ITPR1: variants seen among roughly 807,000 people sequenced by gnomAD.
ITPR1 encodes inositol 1,4,5-trisphosphate receptor type 1.
ITPR1 carries 96 observed loss-of-function variants against 318.4 expected under a neutral mutation model. That is an observed-to-expected ratio of 0.30 (90% confidence interval 0.26 to 0.36). The LOEUF (loss-of-function observed/expected upper bound fraction) is 0.36. ITPR1 is among the 10% of genes least tolerant of loss of function. The probability of loss-of-function intolerance (pLI) is 1.00; values close to 1 mark genes in which losing one functional copy is unlikely to be tolerated. For synonymous variants in ITPR1, 1,312 were observed against 1,289.9 expected, an observed-to-expected ratio of 1.02 and a Z score of -0.37; for missense variants, 2,440 against 3,460.2, an observed-to-expected ratio of 0.71 and a Z score of 7.40.
chr3:4,754,959 T>C (rs2044842006), intron 44 of ITPR1, among the ~76,000 whole-genome samples: 1 of 152,242 alleles, frequency 6.6e-6, no homozygotes, highest in Non-Finnish European at 1.5e-5. Flanking sequence ...CCACAAAAGA[T>C]ACTGGCCTTT....
At chr3:4,661,910 AACTGTTAACC>A (rs1237892207) in intron 14 of ITPR1, among the ~76,000 whole-genome samples, 162 bp from the exon 15 acceptor site, 1 of 152,182 alleles carries the variant, frequency 6.6e-6, no homozygotes, top group Non-Finnish European at 1.5e-5. Context: ...CAGAGATAAC[AACTGTTAACC>A]ATTTGGAGTA....
intron 24 of ITPR1, among the ~76,000 whole-genome samples, chr3:4,678,922 G>A (rs1409051242): frequency 6.6e-6 from 1 of 152,162 alleles, no homozygotes; most frequent in East Asian, 1.9e-4. Context: ...AGAGCTTTGG[G>A]TGTCTAAAAT....
At chr3:4,727,244 C>G in intron 42 of ITPR1, 71 bp downstream of exon 42, 4 of 1,110,444 alleles carry the variant, frequency 3.6e-6, no homozygotes, top group Non-Finnish European at 5.2e-6. Context: ...CAGCCACACA[C>G]TGTGATTGAG....
chr3:4,802,394 G>T (rs991889764), intron 54 of ITPR1, among the ~76,000 whole-genome samples: 1 of 152,204 alleles, frequency 6.6e-6, no homozygotes, highest in Non-Finnish European at 1.5e-5. Context: ...AGTATGGCTT[G>T]TTATGTGGAT....
intron 18 of ITPR1, 112 bp from the exon 19 acceptor site, chr3:4,669,542 G>A (rs1257279122): frequency 1.0e-6 from 1 of 997,826 alleles, no homozygotes; most frequent in Non-Finnish European, 1.4e-6. Flanking sequence ...GAATGCTGCT[G>A]ACATGTCTTG....
intron 4 of ITPR1, among the ~76,000 whole-genome samples, chr3:4,550,126 C>A (rs1214468719): frequency 6.6e-6 from 1 of 150,864 alleles, no homozygotes; most frequent in African/African-American, 2.4e-5. Flanking sequence ...AAGTTGTCTG[C>A]TAACAGCTTG....
chr3:4,589,682 C>T (rs911967980), intron 4 of ITPR1, among the ~76,000 whole-genome samples: 2 of 152,032 alleles, frequency 1.3e-5, no homozygotes, highest in South Asian at 4.1e-4. Context: ...CCTGCTTTAA[C>T]CAGCCTCCCA....
At chr3:4,697,469 T>TTTTTTTTTTTTTTTTG (rs1559719610) in intron 34 of ITPR1, among the ~76,000 whole-genome samples, 197 bp downstream of exon 34, 2 of 149,102 alleles carry the variant, frequency 1.3e-5, no homozygotes, top group African/African-American at 2.5e-5. Context: ...TTTTTTTTTT[T>TTTTTTTTTTTTTTTTG]GAGCTGGAGT....
intron 4 of ITPR1, among the ~76,000 whole-genome samples, chr3:4,524,301 G>GTTTTTTT (rs56380229): frequency 8.2e-5 from 6 of 73,494 alleles, no homozygotes; most frequent in South Asian, 7.0e-4. Flanking sequence ...ATACTTTGAC[G>GTTTTTTT]TTTTTTTTTT....
intron 4 of ITPR1, among the ~76,000 whole-genome samples, chr3:4,547,867 G>A (rs1247815945): frequency 3.3e-5 from 5 of 152,134 alleles, no homozygotes; most frequent in East Asian, 1.9e-4. Flanking sequence ...TTCTTTGTGC[G>A]GAGGCCTTTG....
At chr3:4,774,882 A>G (rs1173369270) in intron 46 of ITPR1, among the ~76,000 whole-genome samples, 1 of 152,222 alleles carries the variant, frequency 6.6e-6, no homozygotes, top group East Asian at 1.9e-4. Flanking sequence ...CCGCCCTTGG[A>G]AATGTCAGAT....
chr3:4,796,304 T>A (rs1001158871), intron 53 of ITPR1, among the ~76,000 whole-genome samples: 11 of 151,692 alleles, frequency 7.3e-5, no homozygotes, highest in Non-Finnish European at 1.5e-4. Context: ...GGGGGATTTT[T>A]TTTTTAATGT....
intron 44 of ITPR1, among the ~76,000 whole-genome samples, chr3:4,742,561 A>G (rs565017346): frequency 2.5e-4 from 38 of 152,212 alleles, no homozygotes; most frequent in Non-Finnish European, 5.0e-4. Context: ...ATTTATAGAA[A>G]GCACCTCACG....
chr3:4,561,612 A>G (rs1453024390), intron 4 of ITPR1, among the ~76,000 whole-genome samples: 1 of 152,246 alleles, frequency 6.6e-6, no homozygotes, highest in Non-Finnish European at 1.5e-5. Context: ...AAGAATGTAT[A>G]TTAGTTAACT....
rs916824465 is a variant in ITPR1, at chr3:4,826,045, C to T, written c.8028+7803C>T. Among the ~76,000 whole-genome samples, 8 of 152,196 alleles carry T rather than the reference C, an allele frequency of 5.3e-5. No individual in the cohort carries two copies. Among genetic ancestry groups the T allele is most frequent in the Non-Finnish European group, 1.2e-4 (8 of 68,026 alleles). On this transcript the variant is annotated intron_variant, in intron 60 of 61. Transcript: ENST00000649015. This position sits in a 1 kb window ranked among gnomAD's most constrained non-coding sequence, Gnocchi z 4.2. The stretch of plus-strand genomic sequence containing the variant: ...ACTTAGGTGCAGGAGAGAGGAAGGG[C>T]GAGTCCAACAGGGCGTGCACTTAAC...
chr3:4,669,267 C>G (rs2094019880), intron 18 of ITPR1, among the ~76,000 whole-genome samples: 1 of 152,220 alleles, frequency 6.6e-6, no homozygotes, highest in South Asian at 2.1e-4. Context: ...CGCTCCATAG[C>G]AGAACTCCGC....
intron 4 of ITPR1, among the ~76,000 whole-genome samples, chr3:4,557,102 C>T (rs1032925866): frequency 7.2e-5 from 11 of 152,050 alleles, no homozygotes; most frequent in Non-Finnish European, 4.4e-5. Flanking sequence ...TCTTAATCAC[C>T]GTGTGTATTA....
intron 37 of ITPR1, among the ~76,000 whole-genome samples, chr3:4,709,562 A>C (rs551198122): frequency 6.6e-6 from 1 of 152,312 alleles, no homozygotes; most frequent in African/African-American, 2.4e-5. Context: ...TGAGTCACCA[A>C]ACCATGGAGC....
At chr3:4,691,444 C>G in intron 32 of ITPR1, 100 bp downstream of exon 32, 2 of 753,606 alleles carry the variant, frequency 2.7e-6, no homozygotes, top group Non-Finnish European at 4.4e-6. Flanking sequence ...CTTCAGGAGC[C>G]ATACAGAAGG....
Sources: allele counts gnomAD v4.1 joint callset (sites outside exome capture counted in the v4.1 genomes callset), GRCh38; gene constraint gnomAD v4.1.1; non-coding constraint Gnocchi (gnomAD v3.1); transcripts MANE v1.5; gene names NCBI Gene and HGNC (gene_info 2026-07-23, HGNC 2026-07-21).